The following OR51B5 variants were observed in gnomAD, a reference collection of about 807,000 sequenced individuals.
OR51B5 encodes olfactory receptor 51B5.
For missense variants in OR51B5, 456 were observed against 374.6 expected (o/e 1.22, Z -1.79); for synonymous variants, 186 against 144.8 (o/e 1.28, Z -2.04).
intron 1 of OR51B5, chr11:5,468,526 C>T (rs532687617): frequency 3.5e-5 from 13 of 371,048 alleles, no homozygotes; most frequent in Admixed American, 1.9e-4. Context: ...TAGTCTCCTG[C>T]GAATCTCCTT....
intron 1 of OR51B5, among the ~76,000 whole-genome samples, chr11:5,397,360 G>GA (rs1248025332): frequency 6.7e-6 from 1 of 148,528 alleles, no homozygotes; most frequent in African/African-American, 2.5e-5. Flanking sequence ...ATTTACAAGA[G>GA]AAAAAAAACC....
chr11:5,461,945 C>T (rs1039520273), intron 1 of OR51B5, among the ~76,000 whole-genome samples: 2 of 152,194 alleles, frequency 1.3e-5, no homozygotes, highest in African/African-American at 4.8e-5. Flanking sequence ...ATGATCTGGT[C>T]TCTTCATGGG....
chr11:5,433,365 A>G (rs1413601972), intron 1 of OR51B5, among the ~76,000 whole-genome samples: 1 of 152,218 alleles, frequency 6.6e-6, no homozygotes, highest in Non-Finnish European at 1.5e-5. Flanking sequence ...TTTAAAGACA[A>G]TAACAGTGAA....
chr11:5,353,124 A>G (rs538531755), intron 1 of OR51B5, among the ~76,000 whole-genome samples: 150 of 152,106 alleles, frequency 9.9e-4, no homozygotes, highest in African/African-American at 3.3e-3. Flanking sequence ...ACTTTCTTCA[A>G]TGAGAGTAAG....
chr11:5,385,843 C>T (rs1849684268), intron 1 of OR51B5, among the ~76,000 whole-genome samples: 1 of 146,438 alleles, frequency 6.8e-6, no homozygotes, highest in Non-Finnish European at 1.5e-5. Context: ...AATGTATATA[C>T]TAAAATGTAT....
At chr11:5,396,926 C>A (rs1196766274) in intron 1 of OR51B5, among the ~76,000 whole-genome samples, 2 of 152,142 alleles carry the variant, frequency 1.3e-5, no homozygotes, top group African/African-American at 4.8e-5. Flanking sequence ...TGATCTTTGA[C>A]AAACCTGAGA....
intron 1 of OR51B5, among the ~76,000 whole-genome samples, chr11:5,465,059 G>T (rs1851116921): frequency 6.6e-6 from 1 of 151,542 alleles, no homozygotes; most frequent in South Asian, 2.1e-4. Flanking sequence ...ACAGAAAATT[G>T]TCCGGGCGTA....
At chr11:5,379,079 T>C (rs1849571349) in intron 1 of OR51B5, among the ~76,000 whole-genome samples, 1 of 151,168 alleles carries the variant, frequency 6.6e-6, no homozygotes. Context: ...CCAACAATGA[T>C]AGACTGGATT....
intron 1 of OR51B5, chr11:5,422,743 C>G: frequency 6.2e-7 from 1 of 1,614,074 alleles, no homozygotes; most frequent in Non-Finnish European, 8.5e-7. Flanking sequence ...GCTCCTATTG[C>G]CTCCACCAGG....
intron 1 of OR51B5, chr11:5,489,160 C>T (rs746436419): frequency 2.7e-5 from 43 of 1,613,722 alleles, no homozygotes; most frequent in Non-Finnish European, 3.4e-5. Context: ...CTTTGTTGGG[C>T]TATTCCGTAG....
chr11:5,344,392 C>CCTCTCTCATTT (rs11269898), upstream of OR51B5, among the ~76,000 whole-genome samples: 54,517 of 151,592 alleles, frequency 0.36, 11,288 homozygotes, highest in Admixed American at 0.48. Flanking sequence ...TAGAATCTGA[C>CCTCTCTCATTT]CTCTCTCATT....
chr11:5,369,142 A>T (rs77674393), intron 1 of OR51B5, among the ~76,000 whole-genome samples: 8,363 of 152,218 alleles, frequency 0.055, 7 homozygotes, highest in South Asian at 0.09. Flanking sequence ...ACATACAGAA[A>T]GGATGAAGTC....
At chr11:5,376,156 A>T (rs1337159336) in intron 1 of OR51B5, among the ~76,000 whole-genome samples, 1 of 151,988 alleles carries the variant, frequency 6.6e-6, no homozygotes, top group African/African-American at 2.4e-5. Flanking sequence ...GGATTAAGAA[A>T]CTCACTCAAA....
At chr11:5,496,626 G>C (rs1334999180) in intron 1 of OR51B5, among the ~76,000 whole-genome samples, 1 of 152,188 alleles carries the variant, frequency 6.6e-6, no homozygotes, top group Non-Finnish European at 1.5e-5. Flanking sequence ...CAGCAAGAGG[G>C]GGAGCCTCTT....
At chr11:5,454,041 A>T in intron 1 of OR51B5, 1 of 1,614,104 alleles carries the variant, frequency 6.2e-7, no homozygotes, top group South Asian at 1.1e-5. Flanking sequence ...CCCAGACATG[A>T]TGAGGCTTGC....
rs143060150 is a variant in OR51B5, at chr11:5,471,027, G to A, written n.84+34542C>T. On this transcript the variant is annotated intron_variant and non_coding_transcript_variant, in intron 1 of 4. Coordinates refer to the OR51B5 transcript ENST00000415970. ...GTCCTTACCATGGATCATAGAAGCT[G>A]CAAGACCACATAAGAACTTGTCGTC... Among the ~76,000 whole-genome samples, 433 of 152,322 alleles carry A rather than the reference G, an allele frequency of 2.8e-3. 1 individual carries two copies. The highest frequency in any genetic ancestry group is 4.9e-3 in the Non-Finnish European group (335 of 68,020).
chr11:5,441,240 T>C (rs1850684243), intron 1 of OR51B5: 1 of 1,613,612 alleles, frequency 6.2e-7, no homozygotes, highest in Non-Finnish European at 8.5e-7. Context: ...CGCAACATGG[T>C]TGTAGTTGAA....
At chr11:5,489,934 T>C (rs761175844) in intron 1 of OR51B5, among the ~76,000 whole-genome samples, 4 of 152,216 alleles carry the variant, frequency 2.6e-5, no homozygotes, top group Non-Finnish European at 5.9e-5. Flanking sequence ...AAGGAGAAAG[T>C]CAATTCCTGG....
chr11:5,428,496 A>G (rs747422585), intron 1 of OR51B5, among the ~76,000 whole-genome samples: 6 of 152,230 alleles, frequency 3.9e-5, no homozygotes, highest in Admixed American at 6.5e-5. Flanking sequence ...TTTGTAAAAA[A>G]TGCGACATCT....
Sources: gnomAD v4.1 joint callset for allele counts (sites outside exome capture counted in the v4.1 genomes callset) on GRCh38, gnomAD v4.1.1 for gene constraint, MANE v1.5 for transcripts, NCBI Gene and HGNC (gene_info 2026-07-23, HGNC 2026-07-21) for gene names.